Variants in MAPRE3 observed in about 807,000 individuals in gnomAD.
MAPRE3 encodes microtubule-associated protein RP/EB family member 3.
In MAPRE3, 2 loss-of-function variants were observed where a neutral mutation model predicts 30.5. The ratio of observed to expected loss-of-function variants is 0.07; its 90% CI spans 0.03 to 0.21. The LOEUF (loss-of-function observed/expected upper bound fraction) is 0.21. Ranked by LOEUF, MAPRE3 falls within the 10% of genes least tolerant of loss-of-function variation. The probability of loss-of-function intolerance (pLI) is 1.00; values close to 1 mark genes in which losing one functional copy is unlikely to be tolerated. For missense variants in MAPRE3, 204 were observed against 351.8 expected, an observed-to-expected ratio of 0.58 and a Z score of 3.36; for synonymous variants, 110 against 127.7, an observed-to-expected ratio of 0.86 and a Z score of 0.93.
chr2:27,018,915 A>AT (rs1558385964), intron 1 of MAPRE3, among the ~76,000 whole-genome samples: 22 of 151,020 alleles, frequency 1.5e-4, no homozygotes, highest in African/African-American at 4.9e-4. Context: ...TTATTTATTT[A>AT]TTTATTTATT....
intron 1 of MAPRE3, among the ~76,000 whole-genome samples, chr2:27,008,987 A>G (rs935368813): frequency 6.6e-6 from 1 of 152,076 alleles, no homozygotes; most frequent in Non-Finnish European, 1.5e-5. Context: ...TATAACGTTG[A>G]CAAAATGACA....
intron 1 of MAPRE3, chr2:27,014,942 C>G (rs1188028829): frequency 1.3e-5 from 2 of 152,324 alleles, no homozygotes; most frequent in African/African-American, 4.8e-5. Flanking sequence ...GTGGAGTTCT[C>G]TCTCTTCTGA....
chr2:27,023,325 T>C lies in MAPRE3; in HGVS notation c.122-7T>C, dbSNP rs780774380. On this transcript the variant is annotated splice_polypyrimidine_tract_variant and splice_region_variant and intron_variant, in intron 2 of 6. Coordinates refer to ENST00000233121, the MANE Select transcript of MAPRE3 (RefSeq NM_012326.4). ...AAGACCCCTCAGCCAGCCATCCTTC[T>C]CCACAGGGGCAGCCTACTGCCAGTT... is the stretch of plus-strand genomic sequence containing the variant. The C allele has an allele frequency of 6.3e-7, 1 of 1,593,952 alleles. No individual in the cohort carries two copies.
rs76001040 is a variant in MAPRE3 at position 26,976,676 on chromosome 2, G to T, written c.-8+5874G>T. On this transcript the variant is annotated intron_variant, in intron 1 of 6. Transcript: ENST00000233121. ...ATTTGCCTCAAGTAAATAAGGACTT[G>T]TCCTATCTAAAATGCTTTAACTCCA... Among the ~76,000 whole-genome samples, 372 of 152,260 alleles carry T rather than the reference G, an allele frequency of 2.4e-3. 1 individual carries two copies. Among genetic ancestry groups the T allele is most frequent in the African/African-American group, 8.6e-3 (356 of 41,554 alleles).
At position 27,024,230 on chromosome 2, in the gene MAPRE3, C is replaced by T. The variant is rs375623944; in HGVS notation, c.402C>T (p.Asp134=). 32 of 1,614,120 alleles carry T rather than the reference C, an allele frequency of 2.0e-5. No individual in the cohort carries two copies. Among genetic ancestry groups the T allele is most frequent in the South Asian group, 5.5e-5 (5 of 91,088 alleles). The change falls in exon 4 of 7, where the codon GAC becomes GAT. Residue 134 remains aspartate (D), a synonymous_variant. Coordinates refer to ENST00000233121, the MANE Select transcript of MAPRE3 (RefSeq NM_012326.4). ...YNPLLARQGQ[D]VAPPPNPGDQ... ...CTCTGCTGGCGCGGCAGGGCCAGGACGTAGCGCCACCTCCTAACCCAGGTG... is the reference window on the plus strand; with the variant it reads ...CTCTGCTGGCGCGGCAGGGCCAGGATGTAGCGCCACCTCCTAACCCAGGTG...
chr2:27,001,277 C>G (rs1666589683), intron 1 of MAPRE3, among the ~76,000 whole-genome samples: 1 of 152,222 alleles, frequency 6.6e-6, no homozygotes, highest in African/African-American at 2.4e-5. Flanking sequence ...TCCTAGGCTA[C>G]AAACTTGTAC....
At position 26,985,348 on chromosome 2, in the gene MAPRE3, C is replaced by T. The variant is rs1210218800; in HGVS notation, c.-8+14546C>T. The stretch of plus-strand genomic sequence containing the variant: ...TCATTCCAAATTCTGTTCTGTGCAT[C>T]TCATTTCTCCATGTGCAAAGACTTA... On this transcript the variant is annotated intron_variant, in intron 1 of 6. Transcript: ENST00000233121. The surrounding 1 kb of genome is among the most constrained non-coding windows in gnomAD (Gnocchi z 4.2). Among the ~76,000 whole-genome samples, 2 of 152,222 alleles carry T rather than the reference C, an allele frequency of 1.3e-5. No individual in the cohort carries two copies. The highest frequency in any genetic ancestry group is 2.4e-5 in the African/African-American group (1 of 41,472).
intron 1 of MAPRE3, among the ~76,000 whole-genome samples, chr2:26,996,007 A>G (rs1004432855): frequency 6.6e-6 from 1 of 151,742 alleles, no homozygotes; most frequent in South Asian, 2.1e-4. Flanking sequence ...ATCCTCATCA[A>G]TCTATTTGGC....
chr2:27,025,706 C>T lies in MAPRE3; in HGVS notation c.593C>T (p.Thr198Ile). The T allele has an allele frequency of 6.2e-7, 1 of 1,614,200 alleles. No individual in the cohort carries two copies. The highest frequency in any genetic ancestry group is 8.5e-7 in the Non-Finnish European group (1 of 1,180,026). The change falls in exon 5 of 7, where the codon ACT (threonine) becomes ATT (isoleucine). Residue 198 changes from threonine (T) to isoleucine (I), a missense_variant. Physicochemically the swap from Thr to Ile is moderately conservative, Grantham distance 89. Around this residue, in one of 5 missense-constraint regions of MAPRE3, gnomAD observed 42 missense variants for 81.2 expected, o/e 0.52. Transcript: ENST00000233121. The stretch of plus-strand genomic sequence containing the variant: ...TCAGCCCGAAATGGCGGCCATGAGA[C>T]TGATGCCCAAATTCTTGAACTCAAC... ...PPSARNGGHE[T>I]DAQILELNQQ...
In MAPRE3 at chr2:27,016,221, A is replaced by C. The variant is rs1396763615; in HGVS notation, c.-7-5991A>C. Among the ~76,000 whole-genome samples the C allele has an allele frequency of 6.6e-5, 10 of 152,268 alleles. No individual in the cohort carries two copies. In the East Asian group the frequency reaches 1.9e-3, roughly 29 times the overall value. ...CTCCTGACAGTCACATGTGCCAAAG[A>C]TCATGGTAGAAACATGTGGATGGGG... On this transcript the variant is annotated intron_variant, in intron 1 of 6. Coordinates refer to ENST00000233121, the MANE Select transcript of MAPRE3 (RefSeq NM_012326.4).
chr2:26,981,029 T>G (rs2148198399), intron 1 of MAPRE3, among the ~76,000 whole-genome samples: 1 of 152,244 alleles, frequency 6.6e-6, no homozygotes, highest in South Asian at 2.1e-4. Context: ...AGACCTTTCT[T>G]TCTTTAGTAA....
At chr2:27,017,548 C>T (rs1056477225) in intron 1 of MAPRE3, among the ~76,000 whole-genome samples, 3 of 152,174 alleles carry the variant, frequency 2.0e-5, no homozygotes, top group Non-Finnish European at 4.4e-5. Flanking sequence ...CTATGTGGCT[C>T]TTAGTGACTC....
At chr2:27,025,164 G>A (rs1391227883) in intron 4 of MAPRE3, among the ~76,000 whole-genome samples, 1 of 152,212 alleles carries the variant, frequency 6.6e-6, no homozygotes, top group South Asian at 2.1e-4. Flanking sequence ...AGCCACCCAG[G>A]GACAATGGCT....
intron 4 of MAPRE3, among the ~76,000 whole-genome samples, chr2:27,025,117 A>G (rs533722971): frequency 1.3e-5 from 2 of 152,268 alleles, no homozygotes; most frequent in African/African-American, 4.8e-5. Flanking sequence ...AGCAGAGGGC[A>G]AAAGAGCCCA....
At chr2:27,024,318 G>A (rs2148229877) in intron 4 of MAPRE3, 21 bp downstream of exon 4, 1 of 1,608,906 alleles carries the variant, frequency 6.2e-7, no homozygotes, top group East Asian at 2.2e-5. Context: ...CGAGCCGGGG[G>A]AGGGAGCGTG....
intron 1 of MAPRE3, among the ~76,000 whole-genome samples, chr2:26,983,538 G>A (rs1283282518): frequency 6.6e-6 from 1 of 152,164 alleles, no homozygotes; most frequent in African/African-American, 2.4e-5. Flanking sequence ...CTCTCGAAGG[G>A]TATTGAGAAC....
At chr2:26,980,710 C>T (rs947891961) in intron 1 of MAPRE3, among the ~76,000 whole-genome samples, 24 of 152,096 alleles carry the variant, frequency 1.6e-4, no homozygotes, top group African/African-American at 4.8e-4. Context: ...GCAAAGGGTA[C>T]GATTTTTTAA....
chr2:27,014,803 G>A (rs1666945565), intron 1 of MAPRE3: 1 of 152,492 alleles, frequency 6.6e-6, no homozygotes, highest in Admixed American at 6.5e-5. Flanking sequence ...GACTCACAGG[G>A]GTAGGGGTAG....
chr2:26,984,822 T>C (rs1460278026), intron 1 of MAPRE3: 1 of 152,242 alleles, frequency 6.6e-6, no homozygotes, highest in Non-Finnish European at 1.5e-5. Flanking sequence ...CAAGTTCCAG[T>C]GTAAATTACA....
Sources: gnomAD v4.1 joint callset for allele counts (sites outside exome capture counted in the v4.1 genomes callset) on GRCh38, gnomAD v4.1.1 for gene constraint, gnomAD v4.1.1 regional missense constraint, Gnocchi (gnomAD v3.1) non-coding constraint, MANE v1.5 for transcripts, NCBI Gene and HGNC (gene_info 2026-07-23, HGNC 2026-07-21) for gene names.